TRIO: variants seen among roughly 807,000 people sequenced by gnomAD.
TRIO encodes trio Rho guanine nucleotide exchange factor.
TRIO carries 58 observed loss-of-function variants against 351.9 expected under a neutral mutation model. That is an observed-to-expected ratio of 0.16 (90% CI 0.13 to 0.21). TRIO has a LOEUF of 0.21. TRIO is among the 10% of genes least tolerant of loss of function. The probability of loss-of-function intolerance (pLI) is 1.00; values close to 1 mark genes in which losing one functional copy is unlikely to be tolerated. For synonymous variants in TRIO, 1,758 were observed against 1,595.7 expected, an observed-to-expected ratio of 1.10 and a Z score of -2.42; for missense variants, 3,201 against 4,027.8, an observed-to-expected ratio of 0.79 and a Z score of 5.56.
intron 1 of TRIO, among the ~76,000 whole-genome samples, chr5:14,194,156 C>G (rs1008629993): frequency 1.3e-5 from 2 of 152,132 alleles, no homozygotes; most frequent in African/African-American, 4.8e-5. Context: ...ACCTGTCTAC[C>G]TATAGAAGTT....
intron 1 of TRIO, among the ~76,000 whole-genome samples, chr5:14,228,357 A>G (rs1342122456): frequency 1.3e-5 from 2 of 151,906 alleles, no homozygotes; most frequent in Non-Finnish European, 2.9e-5. Context: ...AGCCGCAAAC[A>G]TGTGAGCCTG....
At chr5:14,348,442 T>G (rs1261514448) in intron 11 of TRIO, among the ~76,000 whole-genome samples, 1 of 152,266 alleles carries the variant, frequency 6.6e-6, no homozygotes, top group Non-Finnish European at 1.5e-5. Flanking sequence ...AAACATCTCC[T>G]TGGCAAGGAA....
intron 2 of TRIO, among the ~76,000 whole-genome samples, chr5:14,277,823 T>A (rs910420916): frequency 6.6e-6 from 1 of 152,348 alleles, no homozygotes; most frequent in Admixed American, 6.5e-5. Context: ...GAACTATACT[T>A]CATCCTTTCT....
chr5:14,389,110 G>T (rs993241516), intron 24 of TRIO, among the ~76,000 whole-genome samples, 179 bp from the exon 25 acceptor site: 6 of 152,198 alleles, frequency 3.9e-5, no homozygotes, highest in African/African-American at 1.4e-4. Context: ...CTCCTCTCAA[G>T]TATTAACAGC....
chr5:14,478,918 A>G (rs1157211258), intron 41 of TRIO, among the ~76,000 whole-genome samples: 1 of 152,200 alleles, frequency 6.6e-6, no homozygotes, highest in Non-Finnish European at 1.5e-5. Context: ...CCATGATCAC[A>G]CCACTGCCCT....
At chr5:14,189,417 C>T (rs199704304) in intron 1 of TRIO, among the ~76,000 whole-genome samples, 1 of 152,276 alleles carries the variant, frequency 6.6e-6, no homozygotes, top group East Asian at 1.9e-4. Flanking sequence ...TTTGAAACAC[C>T]TAGTATTTCT....
At chr5:14,480,105 G>A (rs1004933261) in intron 43 of TRIO, 94 bp downstream of exon 43, 3 of 1,154,412 alleles carry the variant, frequency 2.6e-6, no homozygotes, top group Non-Finnish European at 3.8e-6. Flanking sequence ...TAGGACAGGG[G>A]AATCATCTGT....
At position 14,487,860 on chromosome 5, in the gene TRIO, A is replaced by G; in HGVS notation, c.7232A>G (p.Lys2411Arg). ...GAGCGAGAAGCGGAGCCGATCCCCA[A>G]GATGAAGGTGCTGGAGAGCCCCAGG... is the stretch of plus-strand genomic sequence containing the variant. ...GSEREAEPIP[K>R]MKVLESPRKG... The change falls in exon 48 of 57, where the codon AAG becomes AGG. Residue 2411 changes from lysine (K) to arginine (R), a missense_variant. Transcript: ENST00000344204. The G allele has an allele frequency of 2.6e-6, 4 of 1,532,046 alleles. No individual in the cohort carries two copies. The highest frequency in any genetic ancestry group is 3.5e-6 in the Non-Finnish European group (4 of 1,139,284). 94.9% of individuals were successfully genotyped at this position (1,532,046 alleles called of 1,614,324 possible). A position where few individuals can be genotyped will look rare whatever the true frequency, so the allele number is the denominator to read the frequency against.
chr5:14,291,955 T>G (rs953072305), intron 5 of TRIO, among the ~76,000 whole-genome samples: 1 of 152,300 alleles, frequency 6.6e-6, no homozygotes, highest in Middle Eastern at 3.4e-3. Flanking sequence ...TAGTCTCATG[T>G]TTTATTCTTA....
chr5:14,233,756 TTTTTG>T (rs141200209), intron 1 of TRIO, among the ~76,000 whole-genome samples: 45,566 of 151,568 alleles, frequency 0.3, 6,956 homozygotes, highest in East Asian at 0.44. Flanking sequence ...CCCAGGCTAT[TTTTTG>T]TTTTGTTTTG....
At chr5:14,507,453 G>A (rs1243860053) in intron 56 of TRIO, among the ~76,000 whole-genome samples, 193 bp downstream of exon 56, 2 of 152,200 alleles carry the variant, frequency 1.3e-5, no homozygotes, top group African/African-American at 4.8e-5. Context: ...ACACGGTCAG[G>A]AGCACACTGG....
At chr5:14,222,565 A>G (rs1441828471) in intron 1 of TRIO, among the ~76,000 whole-genome samples, 2 of 152,186 alleles carry the variant, frequency 1.3e-5, no homozygotes, top group African/African-American at 2.4e-5. Flanking sequence ...TGACCTAAGC[A>G]TTGTCTTGGA....
At chr5:14,304,018 G>T (rs532000162) in intron 7 of TRIO, among the ~76,000 whole-genome samples, 4 of 152,216 alleles carry the variant, frequency 2.6e-5, no homozygotes, top group Non-Finnish European at 4.4e-5. Flanking sequence ...TAAGGCTGAC[G>T]TGTAGCTGCA....
chr5:14,338,515 T>C (rs575650416), intron 11 of TRIO, among the ~76,000 whole-genome samples: 2 of 152,354 alleles, frequency 1.3e-5, no homozygotes, highest in South Asian at 4.1e-4. Flanking sequence ...GATTGTGTGT[T>C]ACTTTACATG....
chr5:14,225,792 A>ACCCCCCCCCCCC (rs56044349), intron 1 of TRIO, among the ~76,000 whole-genome samples: 1 of 78,114 alleles, frequency 1.3e-5, no homozygotes, highest in Non-Finnish European at 2.5e-5. Flanking sequence ...CACTGCTCCC[A>ACCCCCCCCCCCC]CCCCCCCCCC....
chr5:14,257,762 A>T (rs1266535521), intron 1 of TRIO, among the ~76,000 whole-genome samples: 1 of 152,192 alleles, frequency 6.6e-6, no homozygotes, highest in Non-Finnish European at 1.5e-5. Context: ...TTTTAACAAT[A>T]ATTACATGTC....
At chr5:14,301,689 A>C (rs1209225343) in intron 7 of TRIO, among the ~76,000 whole-genome samples, 1 of 152,182 alleles carries the variant, frequency 6.6e-6, no homozygotes, top group Non-Finnish European at 1.5e-5. Context: ...TACCTGTTGA[A>C]TTTCAACACC....
At chr5:14,507,537 C>T (rs1757792796) in intron 56 of TRIO, among the ~76,000 whole-genome samples, 2 of 152,100 alleles carry the variant, frequency 1.3e-5, no homozygotes, top group South Asian at 2.1e-4. Flanking sequence ...GTGGGTGTGG[C>T]GGGTGCAGTG....
At chr5:14,419,504 AG>A (rs1749933646) in intron 33 of TRIO, among the ~76,000 whole-genome samples, 1 of 152,188 alleles carries the variant, frequency 6.6e-6, no homozygotes, top group Non-Finnish European at 1.5e-5. Flanking sequence ...CTTCAAGCAG[AG>A]TTTTTTTTAG....
Sources: allele counts gnomAD v4.1 joint callset (sites outside exome capture counted in the v4.1 genomes callset), GRCh38; gene constraint gnomAD v4.1.1; transcripts MANE v1.5; gene names NCBI Gene and HGNC (gene_info 2026-07-23, HGNC 2026-07-21).